Variants in DDX31 observed in about 807,000 individuals in gnomAD.
DDX31 encodes DEAD-box helicase 31, also known as ATP-dependent DNA helicase DDX31.
Under a neutral mutation model 91.3 loss-of-function variants are expected in DDX31, and 70 were observed. The ratio of observed to expected loss-of-function variants is 0.77; its 90% CI spans 0.63 to 0.94. The LOEUF is 0.94. DDX31 is among the 40% of genes least tolerant of loss of function. The probability of loss-of-function intolerance (pLI) is 0.00; values close to 1 mark genes in which losing one functional copy is unlikely to be tolerated. For missense variants in DDX31, 902 were observed against 925.0 expected, an observed-to-expected ratio of 0.98 and a Z score of 0.32; for synonymous variants, 362 against 350.6, an observed-to-expected ratio of 1.03 and a Z score of -0.36.
chr9:132,652,333 C>T, intron 7 of DDX31, 115 bp downstream of exon 7: 1 of 1,186,636 alleles, frequency 8.4e-7, no homozygotes, highest in African/African-American at 1.5e-5. Flanking sequence ...GCAAATGGAA[C>T]TGGTGTGCAG....
At chr9:132,658,332 T>C (rs1383764588) in intron 6 of DDX31, 7 of 703,274 alleles carry the variant, frequency 1.0e-5, no homozygotes, top group Non-Finnish European at 1.8e-5. Context: ...TCTGTTCTTC[T>C]TCGTAAAATG....
At chr9:132,642,598 G>A (rs1479428565) in intron 13 of DDX31, among the ~76,000 whole-genome samples, 6 of 151,002 alleles carry the variant, frequency 4.0e-5, no homozygotes, top group East Asian at 1.9e-4. Flanking sequence ...GACGTTTCCC[G>A]AGTCTCCATT....
At chr9:132,640,743 A>G (rs1472190082) in intron 14 of DDX31, among the ~76,000 whole-genome samples, 1 of 152,166 alleles carries the variant, frequency 6.6e-6, no homozygotes, top group Non-Finnish European at 1.5e-5. Flanking sequence ...CCTGGGCTCA[A>G]GCGATCCTCC....
chr9:132,657,481 AAAG>A (rs1317186663), intron 6 of DDX31, among the ~76,000 whole-genome samples: 3 of 152,240 alleles, frequency 2.0e-5, no homozygotes, highest in Admixed American at 6.5e-5. Flanking sequence ...AGTTCTACAT[AAAG>A]AAGAATTCTA....
chr9:132,609,684 C>T (rs978465122), intron 19 of DDX31, among the ~76,000 whole-genome samples: 8 of 151,962 alleles, frequency 5.3e-5, no homozygotes, highest in African/African-American at 1.7e-4. Flanking sequence ...TGCAGTGGCG[C>T]GATCTCGGCT....
At chr9:132,636,295 G>A (rs902562506) in intron 14 of DDX31, among the ~76,000 whole-genome samples, 2 of 152,172 alleles carry the variant, frequency 1.3e-5, no homozygotes, top group Admixed American at 6.5e-5. Context: ...AAAGGGGAGC[G>A]GGAGCCACTT....
chr9:132,658,244 A>T, intron 6 of DDX31: 1 of 702,224 alleles, frequency 1.4e-6, no homozygotes, highest in East Asian at 2.7e-5. Flanking sequence ...TGGTCTCTGC[A>T]GCCAAACAGA....
chr9:132,631,941 C>T (rs886142229), intron 15 of DDX31, 100 bp downstream of exon 15: 3 of 1,109,422 alleles, frequency 2.7e-6, no homozygotes, highest in African/African-American at 3.2e-5. Flanking sequence ...CAGGGCAACA[C>T]CCAAGAGGAT....
At chr9:132,666,783 T>A (rs920949849) in intron 1 of DDX31, among the ~76,000 whole-genome samples, 2 of 151,188 alleles carry the variant, frequency 1.3e-5, no homozygotes, top group Non-Finnish European at 3.0e-5. Flanking sequence ...CTCGGCTCAC[T>A]GCAAGCTCCG....
In DDX31 at chr9:132,612,108, T is replaced by C; in HGVS notation, c.1973A>G (p.Lys658Arg). ...PRNLSALTRKKRKAHVKRPDL... is the reference protein window; with the variant it reads ...PRNLSALTRKRRKAHVKRPDL... ...TTACCTTTTCACGTGTGCTTTCCTCTTCTTTCTAGTCAAGGCACTAAGATT... is the reference window on the plus strand; with the variant it reads ...TTACCTTTTCACGTGTGCTTTCCTCCTCTTTCTAGTCAAGGCACTAAGATT... The change falls in exon 19 of 20, where the codon AAG becomes AGG. Residue 658 changes from lysine to arginine, a missense_variant. Coordinates refer to ENST00000372159, the MANE Select transcript of DDX31 (RefSeq NM_022779.9). 4 of 1,614,080 alleles carry C rather than the reference T, an allele frequency of 2.5e-6. No homozygotes were observed. Among genetic ancestry groups the C allele is most frequent in the Non-Finnish European group, 3.4e-6 (4 of 1,179,888 alleles).
At chr9:132,611,821 C>T (rs917133007) in intron 19 of DDX31, among the ~76,000 whole-genome samples, 9 of 152,060 alleles carry the variant, frequency 5.9e-5, no homozygotes, top group Admixed American at 2.6e-4. Flanking sequence ...ATACACATCT[C>T]GGATGCTTTC....
chr9:132,661,300 T>C (rs769693563), intron 3 of DDX31, 49 bp from the exon 4 acceptor site: 12 of 1,430,196 alleles, frequency 8.4e-6, no homozygotes, highest in Non-Finnish European at 1.1e-5. Flanking sequence ...ATACAAAATA[T>C]TTAACGGAAA....
In DDX31 at chr9:132,612,201, A is replaced by G. The variant is rs1304098474; in HGVS notation, c.1880T>C (p.Ile627Thr). ...YATYPRELKHIFHVRSLHLGH... is the reference protein window; with the variant it reads ...YATYPRELKHTFHVRSLHLGH... ...AAGGTGGAGGGATCGGACGTGGAAG[A>G]TGTGCTTCAGCTCCCTGGGGTAGGT... The change falls in exon 19 of 20, where the codon ATC (isoleucine) becomes ACC (threonine). Residue 627 changes from isoleucine (I) to threonine (T), a missense_variant. Physicochemically the swap from Ile to Thr is moderately conservative, Grantham distance 89. Coordinates refer to ENST00000372159, the MANE Select transcript of DDX31 (RefSeq NM_022779.9). 3 of 1,614,182 alleles carry G rather than the reference A, an allele frequency of 1.9e-6. No homozygotes were observed. Among genetic ancestry groups the G allele is most frequent in the Non-Finnish European group, 2.5e-6 (3 of 1,180,038 alleles).
intron 6 of DDX31, among the ~76,000 whole-genome samples, chr9:132,656,584 G>A (rs947323091): frequency 6.6e-5 from 10 of 152,278 alleles, no homozygotes; most frequent in African/African-American, 2.2e-4. Flanking sequence ...CCACAGCAAA[G>A]GCACTGAGGC....
rs114232460 is a variant in DDX31, at chr9:132,601,392, G to A, written c.1995-6280C>T. Among the ~76,000 whole-genome samples the A allele has an allele frequency of 3.7e-3, 565 of 152,302 alleles. 1 individual carries two copies. Among genetic ancestry groups the A allele is most frequent in the Middle Eastern group, 0.024 (7 of 294 alleles). ...GTTTCAACCTGAAACCAGAGGTCTG[G>A]GTTCGAATCGCGGCTCTGCCCAGTG... On this transcript the variant is annotated intron_variant, in intron 19 of 19. Coordinates refer to ENST00000372159, the MANE Select transcript of DDX31 (RefSeq NM_022779.9).
At chr9:132,669,415 TGAGA>T (rs1564348530) in intron 1 of DDX31, among the ~76,000 whole-genome samples, 1 of 151,870 alleles carries the variant, frequency 6.6e-6, no homozygotes, top group African/African-American at 2.4e-5. Context: ...AGCCATCTGA[TGAGA>T]ATTTATGGTT....
chr9:132,617,375 T>C (rs1589994867), intron 18 of DDX31, among the ~76,000 whole-genome samples: 1 of 152,046 alleles, frequency 6.6e-6, no homozygotes, highest in East Asian at 1.9e-4. Flanking sequence ...ATCTGTTATG[T>C]TTATTATGTT....
At chr9:132,652,895 C>T (rs1158078316) in intron 6 of DDX31, among the ~76,000 whole-genome samples, 1 of 152,106 alleles carries the variant, frequency 6.6e-6, no homozygotes, top group African/African-American at 2.4e-5. Flanking sequence ...GAGACCTCCC[C>T]CAGCCATGTG....
intron 6 of DDX31, among the ~76,000 whole-genome samples, chr9:132,655,932 C>A (rs1834533382): frequency 6.6e-6 from 1 of 152,202 alleles, no homozygotes; most frequent in Non-Finnish European, 1.5e-5. Context: ...TGAGACTACA[C>A]TGAACGCAGG....
Sources: allele counts gnomAD v4.1 joint callset (sites outside exome capture counted in the v4.1 genomes callset), GRCh38; gene constraint gnomAD v4.1.1; transcripts MANE v1.5; gene names NCBI Gene and HGNC (gene_info 2026-07-23, HGNC 2026-07-21).